The following PTPRN2 variants were observed in gnomAD, a reference collection of about 807,000 sequenced individuals.
PTPRN2 encodes protein tyrosine phosphatase receptor type N2.
A neutral mutation model predicts 118.8 loss-of-function variants in PTPRN2; 74 were observed. That is an observed-to-expected ratio of 0.62 (90% CI 0.52 to 0.76). The LOEUF (loss-of-function observed/expected upper bound fraction) is 0.76. Ranked by LOEUF, PTPRN2 falls within the 30% of genes least tolerant of loss-of-function variation. The pLI, the probability that PTPRN2 is intolerant of heterozygous loss-of-function variation, is 0.00. For synonymous variants in PTPRN2, 641 were observed against 608.0 expected (o/e 1.05, Z -0.80); for missense variants, 1,481 against 1,394.4 (o/e 1.06, Z -0.99).
Position 158,046,491 on chromosome 7 carries a change from T to C in PTPRN2, c.1723+34807A>G, listed in dbSNP as rs142423851. Among the ~76,000 whole-genome samples, 946 of 152,348 alleles carry C rather than the reference T, an allele frequency of 6.2e-3. 7 individuals are homozygous for C. The highest frequency in any genetic ancestry group is 0.023 in the South Asian group (113 of 4,824). On this transcript the variant is annotated intron_variant, in intron 11 of 22. Coordinates refer to ENST00000389418, the MANE Select transcript of PTPRN2 (RefSeq NM_002847.5). ...CACTGCAATCCTGGCATCCTGACAC[T>C]GTCTTGTTCTGTGCACTGCCCTTCA...
At chr7:158,060,485 G>C (rs1810244801) in intron 11 of PTPRN2, among the ~76,000 whole-genome samples, 1 of 152,232 alleles carries the variant, frequency 6.6e-6, no homozygotes, top group Admixed American at 6.5e-5. Context: ...CGCTCTCTGT[G>C]TCTGTACCTT....
intron 6 of PTPRN2, among the ~76,000 whole-genome samples, chr7:158,150,670 G>A (rs950025982): frequency 1.2e-4 from 19 of 152,016 alleles, no homozygotes; most frequent in Admixed American, 1.2e-3. Context: ...AACCCAGGGG[G>A]GTCACTGAGG....
chr7:157,812,674 C>T (rs748231035), intron 12 of PTPRN2, among the ~76,000 whole-genome samples: 17 of 152,082 alleles, frequency 1.1e-4, no homozygotes, highest in African/African-American at 9.7e-5. Context: ...TTTCATCAGC[C>T]GGTGTCACCC....
intron 3 of PTPRN2, among the ~76,000 whole-genome samples, chr7:158,290,168 T>A (rs1042172628): frequency 7.1e-6 from 1 of 141,306 alleles, no homozygotes; most frequent in African/African-American, 2.7e-5. Context: ...GCAGAAGTGG[T>A]CTTGGAGCCT....
intron 3 of PTPRN2, among the ~76,000 whole-genome samples, chr7:158,225,964 C>T (rs957485106): frequency 2.6e-5 from 4 of 152,044 alleles, no homozygotes; most frequent in Non-Finnish European, 5.9e-5. Flanking sequence ...CATCAGGAAG[C>T]ACCGGTGCAT....
intron 2 of PTPRN2, among the ~76,000 whole-genome samples, chr7:158,333,109 G>A (rs1804828049): frequency 8.5e-6 from 1 of 117,474 alleles, no homozygotes; most frequent in Non-Finnish European, 1.7e-5. Context: ...CTCACCATAA[G>A]AAGTGACACC....
At chr7:158,331,119 T>G (rs377520984) in intron 2 of PTPRN2, among the ~76,000 whole-genome samples, 1 of 134,210 alleles carries the variant, frequency 7.5e-6, no homozygotes, top group Non-Finnish European at 1.6e-5. Flanking sequence ...ACACCCACAC[T>G]CTCACCATAA....
chr7:158,380,105 G>T (rs776432744), intron 2 of PTPRN2, among the ~76,000 whole-genome samples: 4 of 152,174 alleles, frequency 2.6e-5, no homozygotes, highest in Non-Finnish European at 4.4e-5. Context: ...TCAGATTTCA[G>T]TGGGGACACA....
At position 157,550,004 on chromosome 7, in the gene PTPRN2, C is replaced by T. The variant is rs1227886289; in HGVS notation, c.2903-985G>A. Among the ~76,000 whole-genome samples the T allele has an allele frequency of 2.6e-5, 4 of 152,314 alleles. No individual in the cohort carries two copies. Among genetic ancestry groups the T allele is most frequent in the African/African-American group, 7.2e-5 (3 of 41,580 alleles). On this transcript the variant is annotated intron_variant, in intron 21 of 22. Transcript: ENST00000389418. The surrounding 1 kb of genome is among the most constrained non-coding windows in gnomAD (Gnocchi z 5.2). ...GTCCAAGCCACAGACAGGAAGAAGCCGCAGCCATTGGAACCCCAACTACCG... is the reference window on the plus strand; with the variant it reads ...GTCCAAGCCACAGACAGGAAGAAGCTGCAGCCATTGGAACCCCAACTACCG...
intron 3 of PTPRN2, among the ~76,000 whole-genome samples, chr7:158,233,912 T>G (rs569682218): frequency 6.6e-6 from 1 of 152,228 alleles, no homozygotes; most frequent in South Asian, 2.1e-4. Flanking sequence ...AAAACTGGAT[T>G]TCCATACACA....
intron 14 of PTPRN2, among the ~76,000 whole-genome samples, chr7:157,649,178 G>A (rs1476527252): frequency 9.6e-5 from 10 of 104,224 alleles, no homozygotes; most frequent in Middle Eastern, 8.9e-3. Flanking sequence ...TCGGTGGGTC[G>A]GACCCATTCG....
intron 10 of PTPRN2, among the ~76,000 whole-genome samples, chr7:158,085,042 AC>A (rs1813193426): frequency 8.2e-6 from 1 of 121,952 alleles, no homozygotes. Flanking sequence ...ATCCACACCC[AC>A]GACACCCATC....
At chr7:157,877,877 C>T (rs568922396) in intron 12 of PTPRN2, among the ~76,000 whole-genome samples, 8 of 149,572 alleles carry the variant, frequency 5.3e-5, no homozygotes, top group Non-Finnish European at 1.2e-4. Flanking sequence ...TCTGCTTGAC[C>T]GGGGAGAAGA....
chr7:157,962,371 C>T (rs1447357407), intron 11 of PTPRN2, among the ~76,000 whole-genome samples: 1 of 152,170 alleles, frequency 6.6e-6, no homozygotes, highest in Non-Finnish European at 1.5e-5. Context: ...GCGTTATTCC[C>T]CTTCCCGTTT....
chr7:157,975,444 C>G (rs1047162789), intron 11 of PTPRN2, among the ~76,000 whole-genome samples: 2 of 152,170 alleles, frequency 1.3e-5, no homozygotes, highest in African/African-American at 4.8e-5. Flanking sequence ...TCCTCTTGCT[C>G]TCCTGGGTCA....
chr7:157,985,356 C>G (rs139123352), intron 11 of PTPRN2, among the ~76,000 whole-genome samples: 108 of 152,324 alleles, frequency 7.1e-4, no homozygotes, highest in African/African-American at 2.5e-3. Flanking sequence ...TGCCTGTTGA[C>G]ACCTACACTT....
At chr7:157,842,032 T>C (rs1236651109) in intron 12 of PTPRN2, among the ~76,000 whole-genome samples, 1 of 152,222 alleles carries the variant, frequency 6.6e-6, no homozygotes, top group Non-Finnish European at 1.5e-5. Flanking sequence ...CACATCCAAT[T>C]GAAAGTATCT....
chr7:158,281,130 C>A (rs1257808180), intron 3 of PTPRN2, among the ~76,000 whole-genome samples: 1 of 152,106 alleles, frequency 6.6e-6, no homozygotes, highest in African/African-American at 2.4e-5. Context: ...ATAGTGAACC[C>A]CACCTCTACT....
chr7:158,247,257 G>A (rs13234960), intron 3 of PTPRN2, among the ~76,000 whole-genome samples: 2 of 152,348 alleles, frequency 1.3e-5, no homozygotes, highest in South Asian at 2.1e-4. Context: ...CTGGCCAAGA[G>A]GGGTGGAGGA....
Sources: allele counts gnomAD v4.1 joint callset (sites outside exome capture counted in the v4.1 genomes callset), GRCh38; gene constraint gnomAD v4.1.1; non-coding constraint Gnocchi (gnomAD v3.1); transcripts MANE v1.5; gene names NCBI Gene and HGNC (gene_info 2026-07-23, HGNC 2026-07-21).